Variants in PDIA6 observed in about 807,000 individuals in gnomAD.
The protein encoded by PDIA6 is protein disulfide-isomerase A6.
Under a neutral mutation model 58.4 loss-of-function variants are expected in PDIA6, and 29 were observed. The ratio of observed to expected loss-of-function variants is 0.50; its 90% confidence interval spans 0.37 to 0.68. PDIA6 has a LOEUF of 0.68. Among genes scored for constraint, PDIA6 ranks in the 30% least tolerant of loss-of-function variants. The pLI is 0.00. For synonymous variants in PDIA6, 192 were observed against 202.6 expected (o/e 0.95, Z 0.44); for missense variants, 480 against 551.0 (o/e 0.87, Z 1.29).
At chr2:10,803,926 T>TTTTTTTTTTG in intron 1 of PDIA6, among the ~76,000 whole-genome samples, 1 of 149,388 alleles carries the variant, frequency 6.7e-6, no homozygotes, top group East Asian at 2.0e-4. Flanking sequence ...TTTTTTTTTT[T>TTTTTTTTTTG]GAGACAGAGT....
At chr2:10,829,994 C>T (rs1667665502) in intron 1 of PDIA6, among the ~76,000 whole-genome samples, 1 of 152,216 alleles carries the variant, frequency 6.6e-6, no homozygotes, top group African/African-American at 2.4e-5. Flanking sequence ...GAAGACTTTG[C>T]TCTCTGGCTG....
rs556072377 is a variant in PDIA6, at chr2:10,830,855, G to C, written c.-48+1347C>G. On this transcript the variant is annotated intron_variant, in intron 1 of 13. Coordinates refer to the PDIA6 transcript ENST00000381611. ...CTGGTGCCACCCCCGCCGGCTGGTG[G>C]CTCAGGAGGCACACGGGGCACTTCT... Among the ~76,000 whole-genome samples the C allele has an allele frequency of 9.2e-5, 14 of 152,300 alleles. No individual in the cohort carries two copies. In the South Asian group the frequency reaches 2.9e-3, roughly 32 times the overall value.
At chr2:10,809,246 T>G (rs1666895334) in intron 1 of PDIA6, among the ~76,000 whole-genome samples, 1 of 152,260 alleles carries the variant, frequency 6.6e-6, no homozygotes, top group Non-Finnish European at 1.5e-5. Context: ...TATGTTTGCA[T>G]TATATTTCTA....
intron 9 of PDIA6, 40 bp downstream of exon 9, chr2:10,788,857 G>C: frequency 6.4e-7 from 1 of 1,561,756 alleles, no homozygotes; most frequent in Non-Finnish European, 8.8e-7. Context: ...AGAGCATCTA[G>C]CATAGAACAG....
At chr2:10,814,604 T>C (rs980870560), upstream of PDIA6, among the ~76,000 whole-genome samples, 2 of 152,224 alleles carry the variant, frequency 1.3e-5, no homozygotes, top group African/African-American at 4.8e-5. Flanking sequence ...TGTTGCTGAC[T>C]GGATTACAGC....
At chr2:10,789,451 C>T (rs1423484366) in intron 8 of PDIA6, among the ~76,000 whole-genome samples, 1 of 152,094 alleles carries the variant, frequency 6.6e-6, no homozygotes. Context: ...GACACCAGAA[C>T]GGTGCCTGTT....
chr2:10,827,225 G>A (rs930601902), intron 1 of PDIA6, among the ~76,000 whole-genome samples: 6 of 152,022 alleles, frequency 3.9e-5, no homozygotes, highest in African/African-American at 1.5e-4. Context: ...ACCACACCTG[G>A]CTAATTTTTG....
chr2:10,825,321 ATTAG>A (rs1667524521), intron 1 of PDIA6, among the ~76,000 whole-genome samples: 1 of 151,896 alleles, frequency 6.6e-6, no homozygotes, highest in Non-Finnish European at 1.5e-5. Flanking sequence ...TATATATCCT[ATTAG>A]TTCTGTCCCT....
At position 10,783,447 on chromosome 2, in the gene PDIA6, G is replaced by A. The variant is rs1665519333; in HGVS notation, c.*811C>T. ...ACAATAAAATGCTCTCAAGTCCTTT[G>A]AATGTTCCAACAAATTCAAAACTTC... On this transcript the variant is annotated 3_prime_UTR_variant, in exon 13 of 13. Transcript: ENST00000272227. 1 of 502,650 alleles carries A rather than the reference G, an allele frequency of 2.0e-6. No homozygotes were observed. Among genetic ancestry groups the A allele is most frequent in the Admixed American group, 3.7e-5 (1 of 27,306 alleles). The allele number at this position is 502,650 out of a possible 1,614,324, so 31.1% of individuals were successfully genotyped here.
intron 1 of PDIA6, among the ~76,000 whole-genome samples, chr2:10,803,593 A>G (rs1666604903): frequency 6.6e-6 from 1 of 152,232 alleles, no homozygotes; most frequent in Non-Finnish European, 1.5e-5. Flanking sequence ...GTTCTGCCAC[A>G]TTGTGGATCA....
At position 10,812,609 on chromosome 2, in the gene PDIA6, G is replaced by T. The variant is rs1667051870; in HGVS notation, c.19+69C>A. ...CTGCGGCCGCGGCCCGCCGGGGAAC[G>T]GCCTAGAGATTCGAAACCTTTCAGG... On this transcript the variant is annotated intron_variant, in intron 1 of 12. Transcript: ENST00000272227. 7 of 1,439,750 alleles carry T rather than the reference G, an allele frequency of 4.9e-6. No homozygotes were observed. In the Admixed American group the frequency reaches 1.5e-4, roughly 30 times the overall value. 89.2% of individuals were successfully genotyped at this position (1,439,750 alleles called of 1,614,324 possible). A position where few individuals can be genotyped will look rare whatever the true frequency, so the allele number is the denominator to read the frequency against.
chr2:10,830,352 T>C (rs1017007042), intron 1 of PDIA6, among the ~76,000 whole-genome samples: 1 of 152,232 alleles, frequency 6.6e-6, no homozygotes, highest in Admixed American at 6.5e-5. Context: ...GCTGAATGCT[T>C]GTGTTTGAAC....
chr2:10,796,509 AAAAAAAAGAAAAG>A (rs1301569073), intron 4 of PDIA6, among the ~76,000 whole-genome samples: 1 of 152,066 alleles, frequency 6.6e-6, no homozygotes, highest in Non-Finnish European at 1.5e-5. Context: ...TTAAAAAAAA[AAAAAAAAGAAAAG>A]AAAAAAAGAA....
At chr2:10,811,737 G>T (rs1375368689) in intron 1 of PDIA6, among the ~76,000 whole-genome samples, 1 of 152,146 alleles carries the variant, frequency 6.6e-6, no homozygotes, top group Non-Finnish European at 1.5e-5. Flanking sequence ...CAGGACCCTC[G>T]GCCTCGCCCA....
chr2:10,798,185 AAAAAAT>A (rs377365523), intron 2 of PDIA6, among the ~76,000 whole-genome samples: 15 of 151,758 alleles, frequency 9.9e-5, no homozygotes, highest in African/African-American at 2.4e-4. Context: ...ATTCTGTCTC[AAAAAAT>A]AAAAATAAAA....
chr2:10,832,016 CAAA>C (rs59417410), intron 1 of PDIA6, among the ~76,000 whole-genome samples: 37 of 81,358 alleles, frequency 4.5e-4, no homozygotes, highest in East Asian at 2.9e-3. Flanking sequence ...GACCCTGTCT[CAAA>C]AAAAAAAAAA....
At position 10,818,249 on chromosome 2, in the gene PDIA6, A is replaced by G. The variant is rs533304054; in HGVS notation, c.34+1025T>C. Among the ~76,000 whole-genome samples, 172 of 151,762 alleles carry G rather than the reference A, an allele frequency of 1.1e-3. 2 individuals are homozygous for G. The highest frequency in any genetic ancestry group is 4.0e-3 in the African/African-American group (167 of 41,362). Reference sequence around the variant, plus strand: ...GTGATCATAGCTCACTGCAGCCTCAACCTCCTAGTGTCAAGCAATCTTACC... The same window carrying G: ...GTGATCATAGCTCACTGCAGCCTCAGCCTCCTAGTGTCAAGCAATCTTACC... On this transcript the variant is annotated intron_variant, in intron 2 of 13. Coordinates refer to the PDIA6 transcript ENST00000381611.
At position 10,803,911 on chromosome 2, in the gene PDIA6, G is replaced by GTTTTTTTTTTTTTTTTTTT. The variant is rs754643092; in HGVS notation, c.20-1272_20-1271insAAAAAAAAAAAAAAAAAAA. ...TGCGTGTTTGTGTCCTAGTTTTTGTGTTTTTTTTTTTTTTTGAGACAGAGT... is the reference window on the plus strand; with the variant it reads ...TGCGTGTTTGTGTCCTAGTTTTTGTGTTTTTTTTTTTTTTTTTTTTTTTTTTTTTTTTTTGAGACAGAGT... On this transcript the variant is annotated intron_variant, in intron 1 of 12. Transcript: ENST00000272227. Among the ~76,000 whole-genome samples the GTTTTTTTTTTTTTTTTTTT allele has an allele frequency of 2.5e-5, 3 of 117,890 alleles. 1 individual carries two copies. Among genetic ancestry groups the GTTTTTTTTTTTTTTTTTTT allele is most frequent in the South Asian group, 6.3e-4 (2 of 3,166 alleles). The allele number at this position is 117,890 out of a possible 152,430, so 77.3% of individuals were successfully genotyped here.
chr2:10,789,740 G>A lies in PDIA6; in HGVS notation c.840+9C>T. 1 of 1,611,472 alleles carries A rather than the reference G, an allele frequency of 6.2e-7. No homozygotes were observed. Among genetic ancestry groups the A allele is most frequent in the South Asian group, 1.1e-5 (1 of 90,430 alleles). On this transcript the variant is annotated intron_variant, in intron 8 of 12. Coordinates refer to ENST00000272227, the MANE Select transcript of PDIA6 (RefSeq NM_005742.4). ...GCTTTCTGGACTACAAGCAGTTGAAGTGGTTTACCTCAAGCAGCTCAGGAG... is the reference window on the plus strand; with the variant it reads ...GCTTTCTGGACTACAAGCAGTTGAAATGGTTTACCTCAAGCAGCTCAGGAG...
Sources: allele counts gnomAD v4.1 joint callset (sites outside exome capture counted in the v4.1 genomes callset), GRCh38; gene constraint gnomAD v4.1.1; transcripts MANE v1.5; gene names NCBI Gene and HGNC (gene_info 2026-07-23, HGNC 2026-07-21).